ATP2C1: variants seen among roughly 807,000 people sequenced by gnomAD.
The protein encoded by ATP2C1 is ATPase secretory pathway Ca2+ transporting 1.
ATP2C1 carries 31 observed loss-of-function variants against 120.5 expected under a neutral mutation model. The observed-to-expected ratio is 0.26, with a 90% CI of 0.19 to 0.35. The LOEUF (loss-of-function observed/expected upper bound fraction) is 0.35, where lower values mean the gene tolerates loss of function less well. Among genes scored for constraint, ATP2C1 ranks in the 10% least tolerant of loss-of-function variants. The probability of loss-of-function intolerance (pLI) is 1.00; values close to 1 mark genes in which losing one functional copy is unlikely to be tolerated. For synonymous variants in ATP2C1, 351 were observed against 358.7 expected, an observed-to-expected ratio of 0.98 and a Z score of 0.24; for missense variants, 731 against 1,107.5, an observed-to-expected ratio of 0.66 and a Z score of 4.83.
At chr3:130,894,012 C>T, upstream of ATP2C1, 2 of 986,418 alleles carry the variant, frequency 2.0e-6, no homozygotes, top group South Asian at 4.7e-5. This position sits in a 1 kb window ranked among gnomAD's most constrained non-coding sequence, Gnocchi z 4.5. Context: ...TCGCGGCTGG[C>T]CCAGGAGTGC....
At chr3:131,005,409 C>G (rs2063069564), downstream of ATP2C1, among the ~76,000 whole-genome samples, 1 of 152,052 alleles carries the variant, frequency 6.6e-6, no homozygotes, top group Non-Finnish European at 1.5e-5. Flanking sequence ...ACCACTGTGC[C>G]CAGCTTTGAA....
At position 130,959,626 on chromosome 3, in the gene ATP2C1, C is replaced by A. The variant is rs77739355; in HGVS notation, c.899+285C>A. On this transcript the variant is annotated intron_variant, in intron 12 of 27. Coordinates refer to ENST00000510168, the MANE Select transcript of ATP2C1 (RefSeq NM_001378687.1). ...TAAGGATTGTCAAATTGAAAACTAGCAACATGAAAGAGAAAGTTCACAATA... is the reference window on the plus strand; with the variant it reads ...TAAGGATTGTCAAATTGAAAACTAGAAACATGAAAGAGAAAGTTCACAATA... 7,318 of 176,580 alleles carry A rather than the reference C, an allele frequency of 0.041. 198 individuals are homozygous for A. The highest frequency in any genetic ancestry group is 0.085 in the South Asian group (554 of 6,524). The allele number at this position is 176,580 out of a possible 1,614,324, so 10.9% of individuals were successfully genotyped here.
At position 130,942,865 on chromosome 3, in the gene ATP2C1, C is replaced by T. The variant is rs532557639; in HGVS notation, c.531+1166C>T. 9.9e-4 allele frequency among the ~76,000 whole-genome samples: 150 copies of T among 152,264 alleles called. 1 individual carries two copies. Among genetic ancestry groups the T allele is most frequent in the Non-Finnish European group, 1.6e-3 (112 of 68,018 alleles). Reference sequence around the variant, plus strand: ...CCTCAGAGATTAAGTAGTCTTGTCACTTGGCATAAGTTTTCTTCCCCCTCC... The same window carrying T: ...CCTCAGAGATTAAGTAGTCTTGTCATTTGGCATAAGTTTTCTTCCCCCTCC... On this transcript the variant is annotated intron_variant, in intron 8 of 27. Coordinates refer to ENST00000510168, the MANE Select transcript of ATP2C1 (RefSeq NM_001378687.1).
chr3:130,890,229 A>T (rs2069125262), upstream of ATP2C1, among the ~76,000 whole-genome samples: 1 of 152,232 alleles, frequency 6.6e-6, no homozygotes, highest in African/African-American at 2.4e-5. Context: ...TGTAGTTTAT[A>T]TAATTTGGAA....
chr3:130,892,565 G>T (rs1024840539), upstream of ATP2C1, among the ~76,000 whole-genome samples: 1 of 148,780 alleles, frequency 6.7e-6, no homozygotes, highest in African/African-American at 2.5e-5. Context: ...TCTAAAAACC[G>T]TCCAGAATTT....
In ATP2C1 at chr3:130,953,874, T is replaced by C. The variant is rs2760272; in HGVS notation, c.585T>C (p.Cys195=). The part of the protein sequence containing the change: ...ESSLTGETTP[C]SKVTAPQPAA... Reference sequence around the variant, plus strand: ...GCTTGACAGGTGAGACAACGCCTTGTTCTAAGGTGACAGCTCCTCAGCCAG... The same window carrying C: ...GCTTGACAGGTGAGACAACGCCTTGCTCTAAGGTGACAGCTCCTCAGCCAG... Residue 195 remains cysteine (C), a synonymous_variant, in exon 9 of 28, where the codon TGT becomes TGC. Transcript: ENST00000510168. The C allele has an allele frequency of 9.2e-4, 1,492 of 1,614,092 alleles. 5 individuals carry two copies. The highest frequency in any genetic ancestry group is 5.4e-3 in the Middle Eastern group (33 of 6,062).
chr3:130,934,708 T>C lies in ATP2C1; in HGVS notation c.321T>C (p.Thr107=). The C allele has an allele frequency of 6.3e-7, 1 of 1,599,072 alleles. No individual in the cohort carries two copies. Among genetic ancestry groups the C allele is most frequent in the Non-Finnish European group, 8.6e-7 (1 of 1,166,512 alleles). Residue 107 remains threonine, a synonymous_variant, in exon 5 of 28, where the codon ACT becomes ACC. Transcript: ENST00000510168. ...MHQFDDAVSI[T]VAILIVVTVA... ...AGTTTGATGATGCCGTCAGTATCACTGTGGTAAGAAAAAAATTACATATTT... is the reference window on the plus strand; with the variant it reads ...AGTTTGATGATGCCGTCAGTATCACCGTGGTAAGAAAAAAATTACATATTT...
chr3:130,881,585 T>A (rs1163054699), intron 1 of ATP2C1, among the ~76,000 whole-genome samples: 1 of 152,198 alleles, frequency 6.6e-6, no homozygotes, highest in Non-Finnish European at 1.5e-5. Context: ...TACTTCTATT[T>A]CTTTGAGGAA....
intron 12 of ATP2C1, 140 bp from the exon 13 acceptor site, chr3:130,963,831 C>G: frequency 9.7e-7 from 1 of 1,034,106 alleles, no homozygotes; most frequent in Non-Finnish European, 1.4e-6. Flanking sequence ...TTAACTTTCT[C>G]TTCCTTTTGA....
chr3:130,997,646 C>T lies in ATP2C1; in HGVS notation c.2284C>T (p.Pro762Ser). 1 of 1,613,646 alleles carries T rather than the reference C, an allele frequency of 6.2e-7. No individual in the cohort carries two copies. The highest frequency in any genetic ancestry group is 1.3e-5 in the African/African-American group (1 of 75,024). ...AGTGGATAAAGATGTCATTCGTAAA[C>T]CTCCTCGCAACTGGAAAGACAGCAT... ...EPVDKDVIRK[P>S]PRNWKDSILT... The change falls in exon 25 of 28, where the codon CCT becomes TCT. Residue 762 changes from proline to serine, a missense_variant. Pro to Ser is a moderately conservative substitution (Grantham distance 74, BLOSUM62 -1). Coordinates refer to ENST00000510168, the MANE Select transcript of ATP2C1 (RefSeq NM_001378687.1).
intron 2 of ATP2C1, chr3:130,930,139 T>G: frequency 2.4e-6 from 1 of 421,818 alleles, no homozygotes; most frequent in Non-Finnish European, 4.4e-6. Context: ...CTTTTTACTC[T>G]TATGTTGGTG....
chr3:130,932,360 C>A (rs1370578245), intron 4 of ATP2C1, among the ~76,000 whole-genome samples: 1 of 151,998 alleles, frequency 6.6e-6, no homozygotes, highest in Non-Finnish European at 1.5e-5. Flanking sequence ...GGGTATATTA[C>A]ACAAAGATAA....
intron 8 of ATP2C1, among the ~76,000 whole-genome samples, chr3:130,951,848 T>A (rs1429645748): frequency 6.6e-6 from 1 of 152,210 alleles, no homozygotes; most frequent in African/African-American, 2.4e-5. Flanking sequence ...CACTGTCATA[T>A]TATCTAAACT....
intron 1 of ATP2C1, among the ~76,000 whole-genome samples, chr3:130,867,733 G>A (rs938476095): frequency 6.0e-5 from 7 of 117,382 alleles, no homozygotes; most frequent in African/African-American, 1.6e-4. Context: ...AGTGAGGAGC[G>A]TCTCTGCTTG....
At chr3:130,997,217 T>C (rs2108926452) in intron 24 of ATP2C1, among the ~76,000 whole-genome samples, 1 of 152,104 alleles carries the variant, frequency 6.6e-6, no homozygotes, top group African/African-American at 2.4e-5. Context: ...AATAATGGGG[T>C]AGTTGAGTGA....
intron 12 of ATP2C1, among the ~76,000 whole-genome samples, chr3:130,960,017 A>G (rs2060750881): frequency 6.6e-6 from 1 of 152,178 alleles, no homozygotes. Flanking sequence ...AAGCTAAGGC[A>G]AAAAGTAAGT....
intron 20 of ATP2C1, among the ~76,000 whole-genome samples, chr3:130,985,710 T>G (rs1174282509): frequency 7.9e-6 from 1 of 126,570 alleles, no homozygotes; most frequent in African/African-American, 3.0e-5. Context: ...AAAGAAAATA[T>G]GACATGGAAA....
intron 2 of ATP2C1, 139 bp from the exon 3 acceptor site, chr3:130,930,277 G>A (rs773494263): frequency 2.0e-5 from 14 of 696,884 alleles, no homozygotes; most frequent in Non-Finnish European, 3.2e-5. Context: ...TTTCCTATTA[G>A]GACTAGCTAC....
intron 1 of ATP2C1, among the ~76,000 whole-genome samples, chr3:130,879,767 G>T (rs1211758018): frequency 6.6e-6 from 1 of 152,100 alleles, no homozygotes; most frequent in East Asian, 1.9e-4. Context: ...TTCTGGGTGG[G>T]TGCGATAGTA....
Sources: gnomAD v4.1 joint callset for allele counts (sites outside exome capture counted in the v4.1 genomes callset) on GRCh38, gnomAD v4.1.1 for gene constraint, Gnocchi (gnomAD v3.1) non-coding constraint, MANE v1.5 for transcripts, NCBI Gene and HGNC (gene_info 2026-07-23, HGNC 2026-07-21) for gene names.